The following HTR2A variants were observed in gnomAD, a reference collection of about 807,000 sequenced individuals.
HTR2A encodes 5-HT2 receptor.
A neutral mutation model predicts 31.0 loss-of-function variants in HTR2A; 14 were observed. The observed-to-expected ratio is 0.45, with a 90% CI of 0.30 to 0.71. HTR2A has a LOEUF of 0.71. Among genes scored for constraint, HTR2A ranks in the 30% least tolerant of loss-of-function variants. The pLI, the probability that HTR2A is intolerant of heterozygous loss-of-function variation, is 0.09. For missense variants in HTR2A, 442 were observed against 573.3 expected, an observed-to-expected ratio of 0.77 and a Z score of 2.34; for synonymous variants, 209 against 225.2, an observed-to-expected ratio of 0.93 and a Z score of 0.64.
chr13:46,867,193 C>T (rs961179064), intron 3 of HTR2A, among the ~76,000 whole-genome samples: 2 of 152,108 alleles, frequency 1.3e-5, no homozygotes, highest in African/African-American at 4.8e-5. Context: ...GAAGAACCGT[C>T]CAAGTTTAAG....
intron 3 of HTR2A, among the ~76,000 whole-genome samples, chr13:46,882,818 T>C (rs1593442304): frequency 6.6e-6 from 1 of 152,172 alleles, no homozygotes; most frequent in Admixed American, 6.5e-5. Context: ...AGACAGAAAA[T>C]AAATTAGCAT....
At chr13:46,874,163 CATGGT>C (rs1393730378) in intron 3 of HTR2A, among the ~76,000 whole-genome samples, 1 of 152,220 alleles carries the variant, frequency 6.6e-6, no homozygotes, top group East Asian at 1.9e-4. Flanking sequence ...GTGAAATTCT[CATGGT>C]ATGTCTCTTA....
At chr13:46,893,055 C>G (rs879613672) in intron 2 of HTR2A, among the ~76,000 whole-genome samples, 1 of 152,174 alleles carries the variant, frequency 6.6e-6, no homozygotes, top group Non-Finnish European at 1.5e-5. Context: ...CAGTCCCATA[C>G]AGTGATGGCA....
intron 1 of HTR2A, 107 bp downstream of exon 1, chr13:46,896,567 T>C (rs1317486411): frequency 4.4e-6 from 4 of 902,182 alleles, no homozygotes; most frequent in Non-Finnish European, 6.4e-6. Flanking sequence ...AGCAGACAAC[T>C]TTCCTCCCTG....
At chr13:46,853,377 T>A (rs632903) in intron 3 of HTR2A, among the ~76,000 whole-genome samples, 1 of 151,980 alleles carries the variant, frequency 6.6e-6, no homozygotes, top group East Asian at 1.9e-4. Flanking sequence ...ACCCTTGGGC[T>A]GGGAGGAGAA....
chr13:46,842,926 C>T (rs1490614330), intron 3 of HTR2A, among the ~76,000 whole-genome samples: 1 of 152,100 alleles, frequency 6.6e-6, no homozygotes. Flanking sequence ...AACCACAGTC[C>T]GAAAATATTA....
rs1228867177 is a variant in HTR2A, at chr13:46,855,333, CAT to C, written c.614-19696_614-19695del. ...AACTCCTTCAGTTTTTCGGTTGAAA[CAT>C]GTGAAAAGGCTGATATGTAACCACT... On this transcript the variant is annotated intron_variant, in intron 3 of 3. Coordinates refer to ENST00000542664, the MANE Select transcript of HTR2A (RefSeq NM_000621.5). Among the ~76,000 whole-genome samples the C allele has an allele frequency of 3.9e-5, 6 of 152,240 alleles. No individual in the cohort carries two copies. The South Asian group carries it at 6.2e-4, about 16-fold the overall frequency.
chr13:46,876,118 T>A (rs1326886418), intron 3 of HTR2A, among the ~76,000 whole-genome samples: 2 of 152,112 alleles, frequency 1.3e-5, no homozygotes, highest in Non-Finnish European at 2.9e-5. Flanking sequence ...CTCAATCTGT[T>A]GCTTATCGAG....
At chr13:46,845,481 A>G (rs1004632718) in intron 3 of HTR2A, among the ~76,000 whole-genome samples, 1 of 152,138 alleles carries the variant, frequency 6.6e-6, no homozygotes, top group Non-Finnish European at 1.5e-5. Flanking sequence ...CAGGTCCTCT[A>G]TCTATGATAG....
At chr13:46,856,141 C>T (rs1885884) in intron 3 of HTR2A, 59 of 152,180 alleles carry the variant, frequency 3.9e-4, no homozygotes, top group African/African-American at 1.3e-3. Flanking sequence ...GTACATCTTC[C>T]TTGCTGACAA....
intron 3 of HTR2A, among the ~76,000 whole-genome samples, chr13:46,889,326 A>C (rs765834220): frequency 4.6e-5 from 7 of 152,214 alleles, no homozygotes; most frequent in Non-Finnish European, 1.0e-4. Flanking sequence ...AAGGTATAGA[A>C]AATGTAAATG....
At position 46,895,345 on chromosome 13, in the gene HTR2A, A is replaced by G; in HGVS notation, c.412+150T>C. 1 of 687,138 alleles carries G rather than the reference A, an allele frequency of 1.5e-6. No individual in the cohort carries two copies. Among genetic ancestry groups the G allele is most frequent in the Non-Finnish European group, 2.4e-6 (1 of 418,832 alleles). 42.6% of individuals were successfully genotyped at this position (687,138 alleles called of 1,614,324 possible). Reference sequence around the variant, plus strand: ...TTATGTGAAATCCCATTTTAAGAGTAAAATATAAGTAACATAGTAGGCTCT... The same window carrying G: ...TTATGTGAAATCCCATTTTAAGAGTGAAATATAAGTAACATAGTAGGCTCT... On this transcript the variant is annotated intron_variant, in intron 2 of 3. Transcript: ENST00000542664. The surrounding 1 kb of genome is among the most constrained non-coding windows in gnomAD (Gnocchi z 4.4).
intron 3 of HTR2A, among the ~76,000 whole-genome samples, chr13:46,865,900 GAAGTGGTCCT>G (rs1156378080): frequency 6.6e-6 from 1 of 152,186 alleles, no homozygotes; most frequent in African/African-American, 2.4e-5. Context: ...TACTAGAGTT[GAAGTGGTCCT>G]AGATGTTGTT....
At chr13:46,886,605 C>T (rs61948341) in intron 3 of HTR2A, among the ~76,000 whole-genome samples, 6,006 of 152,100 alleles carry the variant, frequency 0.039, 163 homozygotes, top group South Asian at 0.092. Context: ...AATATTAGTA[C>T]CACATAAAGC....
intron 2 of HTR2A, among the ~76,000 whole-genome samples, chr13:46,893,762 C>CCTTAATT (rs1951074905): frequency 6.6e-6 from 1 of 152,108 alleles, no homozygotes; most frequent in Non-Finnish European, 1.5e-5. Flanking sequence ...GTTTTGATCA[C>CCTTAATT]AGTATAAGCA....
At chr13:46,871,843 T>C (rs956367203) in intron 3 of HTR2A, among the ~76,000 whole-genome samples, 1 of 152,200 alleles carries the variant, frequency 6.6e-6, no homozygotes, top group Admixed American at 6.5e-5. Flanking sequence ...TTTTAGGTGT[T>C]GAAACCCAAC....
At chr13:46,874,163 C>T (rs1593439173) in intron 3 of HTR2A, among the ~76,000 whole-genome samples, 1 of 152,220 alleles carries the variant, frequency 6.6e-6, no homozygotes, top group African/African-American at 2.4e-5. Flanking sequence ...GTGAAATTCT[C>T]ATGGTATGTC....
Position 46,858,325 on chromosome 13 carries a change from A to G in HTR2A, c.614-22686T>C, listed in dbSNP as rs773148133. ...GCTCTCAGGGCAAGGGATTCCAGGA[A>G]GGAGTACTGAGCTGCCTTGAAGGAT... On this transcript the variant is annotated intron_variant, in intron 3 of 3. Coordinates refer to ENST00000542664, the MANE Select transcript of HTR2A (RefSeq NM_000621.5). Among the ~76,000 whole-genome samples the G allele has an allele frequency of 2.2e-4, 34 of 152,080 alleles. 1 individual carries two copies. Among genetic ancestry groups the G allele is most frequent in the Admixed American group, 1.6e-3 (25 of 15,268 alleles).
chr13:46,875,754 A>T (rs1464947803), intron 3 of HTR2A, among the ~76,000 whole-genome samples: 1 of 152,214 alleles, frequency 6.6e-6, no homozygotes, highest in African/African-American at 2.4e-5. Context: ...GGTTTTGAAA[A>T]TGTTTCCGAT....
Sources: gnomAD v4.1 joint callset for allele counts (sites outside exome capture counted in the v4.1 genomes callset) on GRCh38, gnomAD v4.1.1 for gene constraint, Gnocchi (gnomAD v3.1) non-coding constraint, MANE v1.5 for transcripts, NCBI Gene and HGNC (gene_info 2026-07-23, HGNC 2026-07-21) for gene names.